The following REPS2 variants were observed in gnomAD, a reference collection of about 807,000 sequenced individuals.
The protein encoded by REPS2 is ralBP1-associated Eps domain-containing protein 2.
In REPS2, 23 loss-of-function variants were observed where a neutral mutation model predicts 53.6. The observed-to-expected ratio is 0.43, with a 90% CI of 0.31 to 0.61. The LOEUF (loss-of-function observed/expected upper bound fraction) is 0.61, where lower values mean the gene tolerates loss of function less well. Among genes scored for constraint, REPS2 ranks in the 20% least tolerant of loss-of-function variants. The pLI is 0.11. For synonymous variants in REPS2, 238 were observed against 218.6 expected (o/e 1.09, Z -0.78); for missense variants, 446 against 534.9 (o/e 0.83, Z 1.64).
At position 17,152,347 on chromosome X, in the gene REPS2, A is replaced by C. The variant is rs779365496; in HGVS notation, c.*4866A>C. The C allele has an allele frequency of 4.5e-5, 5 of 112,213 alleles. No individual in the cohort carries two copies. The highest frequency in any genetic ancestry group is 1.3e-4 in the African/African-American group (4 of 30,951). 9.2% of individuals were successfully genotyped at this position (112,213 alleles called of 1,213,427 possible). On this transcript the variant is annotated 3_prime_UTR_variant, in exon 18 of 18. Transcript: ENST00000357277. ...AGGAACCTTTTCTAGGAGGCATTGC[A>C]GGGTTTCAATACACAGGACATGTTC...
chrX:16,984,716 G>A (rs145588283), intron 1 of REPS2, among the ~76,000 whole-genome samples: 80 of 111,719 alleles, frequency 7.2e-4, no homozygotes, highest in Non-Finnish European at 1.1e-3. Context: ...AATAAAGGCC[G>A]TGGTACAGAT....
the REPS2 span, among the ~76,000 whole-genome samples, chrX:17,159,080 C>G: frequency 1.8e-5 from 2 of 111,676 alleles, no homozygotes; most frequent in Non-Finnish European, 3.8e-5. Context: ...ATGATTCCAT[C>G]AAATTTTTTT....
At chrX:17,034,976 T>C (rs1279487996) in intron 5 of REPS2, among the ~76,000 whole-genome samples, 1 of 110,786 alleles carries the variant, frequency 9.0e-6, no homozygotes, top group East Asian at 2.9e-4. Context: ...TCTCCTTTCC[T>C]CCTCATCTCA....
intron 17 of REPS2, 36 bp from the exon 18 acceptor site, chrX:17,147,377 T>C (rs778409057): frequency 3.6e-6 from 4 of 1,122,833 alleles, no homozygotes; most frequent in Non-Finnish European, 4.9e-6. Flanking sequence ...ATGACCCCTT[T>C]GCTTTTTTGT....
At chrX:17,091,084 T>G (rs1177410741) in intron 13 of REPS2, among the ~76,000 whole-genome samples, 1 of 112,366 alleles carries the variant, frequency 8.9e-6, no homozygotes, top group African/African-American at 3.2e-5. Flanking sequence ...TTGATTTATA[T>G]GTTTATTTTT....
At chrX:17,004,596 T>C (rs1238526936) in intron 1 of REPS2, among the ~76,000 whole-genome samples, 1 of 111,080 alleles carries the variant, frequency 9.0e-6, no homozygotes, top group African/African-American at 3.3e-5. Context: ...TATTCTACTT[T>C]GGCTCCAAAG....
intron 17 of REPS2, among the ~76,000 whole-genome samples, chrX:17,145,245 C>T (rs1433364367): frequency 1.8e-5 from 2 of 111,168 alleles, no homozygotes; most frequent in Admixed American, 1.9e-4. Context: ...TCCATCTTTA[C>T]CTGAAACCTC....
At chrX:17,106,445 G>A (rs1191170470) in intron 14 of REPS2, among the ~76,000 whole-genome samples, 2 of 105,048 alleles carry the variant, frequency 1.9e-5, no homozygotes, top group Non-Finnish European at 3.9e-5. Context: ...ACGGAGTGTC[G>A]CACTATCGCC....
chrX:16,999,902 C>T (rs1160888614), intron 1 of REPS2, among the ~76,000 whole-genome samples: 1 of 104,522 alleles, frequency 9.6e-6, no homozygotes, highest in Non-Finnish European at 2.0e-5. Context: ...AAAAAATTAG[C>T]CGGGCGTAGT....
chrX:17,141,660 T>A (rs779074425), intron 17 of REPS2, among the ~76,000 whole-genome samples: 3 of 112,261 alleles, frequency 2.7e-5, no homozygotes, highest in African/African-American at 9.7e-5. Flanking sequence ...TTCCAATTGT[T>A]CCGCGTCTTT....
At chrX:17,078,268 G>A (rs1273094848) in intron 13 of REPS2, among the ~76,000 whole-genome samples, 3 of 112,309 alleles carry the variant, frequency 2.7e-5, no homozygotes, top group Non-Finnish European at 5.6e-5. Flanking sequence ...GCCAGCCTCA[G>A]ATGCTAGTGA....
intron 9 of REPS2, among the ~76,000 whole-genome samples, chrX:17,064,133 A>G (rs2062196350): frequency 9.1e-6 from 1 of 110,216 alleles, no homozygotes; most frequent in African/African-American, 3.3e-5. Flanking sequence ...TCCAAAGAAG[A>G]AAGCAAAACA....
intron 4 of REPS2, among the ~76,000 whole-genome samples, chrX:17,027,784 G>A (rs900220016): frequency 1.7e-4 from 19 of 108,793 alleles, no homozygotes; most frequent in South Asian, 1.2e-3. Context: ...CATGTTTGGG[G>A]TTTCATTTGG....
intron 1 of REPS2, among the ~76,000 whole-genome samples, chrX:17,003,811 A>G (rs1315163068): frequency 8.9e-6 from 1 of 112,051 alleles, no homozygotes; most frequent in Non-Finnish European, 1.9e-5. Flanking sequence ...TTTCAGGCAA[A>G]CTGGAACATG....
At chrX:17,163,427 T>C in the REPS2 span, among the ~76,000 whole-genome samples, 1 of 111,455 alleles carries the variant, frequency 9.0e-6, no homozygotes, top group East Asian at 2.8e-4. Context: ...GGGGCAGAAA[T>C]AATGGGTGAA....
At chrX:17,015,677 T>C (rs2061484194) in intron 2 of REPS2, among the ~76,000 whole-genome samples, 1 of 110,720 alleles carries the variant, frequency 9.0e-6, no homozygotes, top group African/African-American at 3.3e-5. Context: ...TTTTTTGTCC[T>C]TGCAATAGTT....
At chrX:17,100,473 C>T (rs544299762) in intron 13 of REPS2, among the ~76,000 whole-genome samples, 3 of 112,242 alleles carry the variant, frequency 2.7e-5, no homozygotes, top group African/African-American at 9.7e-5. Flanking sequence ...AATGGTGTAC[C>T]GCAGGCCTCG....
At chrX:16,980,620 T>A (rs2061010169) in intron 1 of REPS2, among the ~76,000 whole-genome samples, 1 of 112,556 alleles carries the variant, frequency 8.9e-6, no homozygotes, top group Admixed American at 9.4e-5. Context: ...TTCTTGATAC[T>A]TAATGCCATA....
Position 17,030,540 on chromosome X carries a change from G to A in REPS2, c.771+917G>A, listed in dbSNP as rs549003564. ...AATAGGATAAACAAAGTCTAAAGAA[G>A]GTCCTGGGGTTCATGGAATACCTTC... On this transcript the variant is annotated intron_variant, in intron 5 of 17. Transcript: ENST00000357277. 7.1e-5 allele frequency among the ~76,000 whole-genome samples: 8 copies of A among 111,972 alleles called. No homozygotes were observed. In the South Asian group the frequency reaches 3.0e-3, roughly 41 times the overall value.
Sources: gnomAD v4.1 joint callset for allele counts (sites outside exome capture counted in the v4.1 genomes callset) on GRCh38, gnomAD v4.1.1 for gene constraint, MANE v1.5 for transcripts, NCBI Gene and HGNC (gene_info 2026-07-23, HGNC 2026-07-21) for gene names.